The following IL1RAPL1 variants were observed in gnomAD, a reference collection of about 807,000 sequenced individuals.
IL1RAPL1 encodes the protein interleukin 1 receptor accessory protein like 1.
A neutral mutation model predicts 48.4 loss-of-function variants in IL1RAPL1; 3 were observed. The observed-to-expected ratio is 0.06, with a 90% CI of 0.03 to 0.16. IL1RAPL1 has a LOEUF of 0.16. Ranked by LOEUF, IL1RAPL1 falls within the 10% of genes least tolerant of loss-of-function variation. The pLI is 1.00. For missense variants in IL1RAPL1, 349 were observed against 530.6 expected, an observed-to-expected ratio of 0.66 and a Z score of 3.36; for synonymous variants, 185 against 187.7, an observed-to-expected ratio of 0.99 and a Z score of 0.12.
intron 2 of IL1RAPL1, among the ~76,000 whole-genome samples, chrX:28,875,787 CA>C (rs772038865): frequency 9.0e-6 from 1 of 111,407 alleles, no homozygotes; most frequent in Non-Finnish European, 1.9e-5. Flanking sequence ...GATCAGAGGC[CA>C]AAAAAGCCTT....
chrX:28,861,782 C>G (rs1309050001), intron 2 of IL1RAPL1, among the ~76,000 whole-genome samples: 1 of 111,533 alleles, frequency 9.0e-6, no homozygotes, highest in African/African-American at 3.3e-5. Context: ...TAGCCCTTTC[C>G]ACTGTCTCAA....
rs12688711 is a variant in IL1RAPL1 at position 29,686,620 on chromosome X, C to A, written c.778+18116C>A. 3.2e-4 allele frequency among the ~76,000 whole-genome samples: 34 copies of A among 107,431 alleles called. No homozygotes were observed. In the East Asian group the frequency reaches 8.7e-3, roughly 27 times the overall value. The allele number at this position is 107,431 out of a possible 115,157, so 93.3% of individuals were successfully genotyped here. A position where few individuals can be genotyped will look rare whatever the true frequency, so the allele number is the denominator to read the frequency against. On this transcript the variant is annotated intron_variant, in intron 6 of 10. Transcript: ENST00000378993. Reference sequence around the variant, plus strand: ...TCGCCCAGGCTGCAGTGCAGTGGTGCGATCTCAGCTCACTGCAAGCTCCGC... The same window carrying A: ...TCGCCCAGGCTGCAGTGCAGTGGTGAGATCTCAGCTCACTGCAAGCTCCGC...
chrX:29,884,652 C>G (rs767466633), intron 6 of IL1RAPL1, among the ~76,000 whole-genome samples: 2 of 111,118 alleles, frequency 1.8e-5, no homozygotes, highest in African/African-American at 3.3e-5. Context: ...ATCTTGCATA[C>G]CTAACTGTCT....
chrX:29,622,639 C>T (rs770642823), intron 5 of IL1RAPL1, among the ~76,000 whole-genome samples: 84 of 111,623 alleles, frequency 7.5e-4, no homozygotes, highest in Admixed American at 1.1e-3. Flanking sequence ...GTCACTTCAC[C>T]TATGGCCTCT....
chrX:29,697,988 T>C (rs1387316601), intron 6 of IL1RAPL1, among the ~76,000 whole-genome samples: 1 of 110,918 alleles, frequency 9.0e-6, no homozygotes, highest in Admixed American at 9.7e-5. Context: ...GTACTTGGAA[T>C]AAAATTTCAA....
intron 3 of IL1RAPL1, among the ~76,000 whole-genome samples, chrX:29,390,372 G>A (rs1466868446): frequency 1.8e-5 from 2 of 111,737 alleles, no homozygotes; most frequent in East Asian, 5.6e-4. Context: ...GAAAGCTCAT[G>A]ACTTGAAAAA....
chrX:29,112,875 C>A (rs1181837958), intron 2 of IL1RAPL1, among the ~76,000 whole-genome samples: 1 of 103,311 alleles, frequency 9.7e-6, no homozygotes, highest in Non-Finnish European at 2.0e-5. Flanking sequence ...TCTCAGCTCA[C>A]TGCAACCTCC....
chrX:29,621,165 T>C (rs1024242395), intron 5 of IL1RAPL1, among the ~76,000 whole-genome samples: 2 of 111,827 alleles, frequency 1.8e-5, no homozygotes, highest in Non-Finnish European at 3.8e-5. Flanking sequence ...TTACAACTAA[T>C]AAAGATTGGT....
chrX:29,658,203 A>T (rs1480136419), intron 5 of IL1RAPL1, among the ~76,000 whole-genome samples: 1 of 111,486 alleles, frequency 9.0e-6, no homozygotes, highest in Non-Finnish European at 1.9e-5. Context: ...TCATTTGGTC[A>T]GAATCAGGGT....
intron 2 of IL1RAPL1, among the ~76,000 whole-genome samples, chrX:29,143,012 T>G (rs893274233): frequency 1.8e-5 from 2 of 110,646 alleles, no homozygotes; most frequent in Non-Finnish European, 3.8e-5. Flanking sequence ...AAGAAATATT[T>G]TTAACTTCGG....
At chrX:28,831,494 T>C (rs1247355235) in intron 2 of IL1RAPL1, among the ~76,000 whole-genome samples, 3 of 109,470 alleles carry the variant, frequency 2.7e-5, no homozygotes, top group Non-Finnish European at 5.7e-5. Flanking sequence ...AAAATAGTAG[T>C]AGTTCTCTGG....
chrX:29,330,248 T>C (rs1225398871), intron 3 of IL1RAPL1, among the ~76,000 whole-genome samples: 3 of 112,524 alleles, frequency 2.7e-5, no homozygotes, highest in South Asian at 3.7e-4. Context: ...CTGTAACATA[T>C]TCAAATGCAA....
chrX:29,334,531 C>T (rs1411673537), intron 3 of IL1RAPL1, among the ~76,000 whole-genome samples: 10 of 105,765 alleles, frequency 9.5e-5, no homozygotes, highest in Admixed American at 1.9e-4. Context: ...GGGTGGCTGC[C>T]GGACGGAGGG....
At chrX:29,765,673 C>T in intron 6 of IL1RAPL1, among the ~76,000 whole-genome samples, 1 of 111,747 alleles carries the variant, frequency 8.9e-6, no homozygotes, top group Non-Finnish European at 1.9e-5. Context: ...CAGTGTGTTC[C>T]TATGATACTT....
chrX:29,173,787 C>G lies in IL1RAPL1; in HGVS notation c.83-109151C>G, dbSNP rs957214131. Among the ~76,000 whole-genome samples the G allele has an allele frequency of 6.2e-5, 7 of 112,050 alleles. No homozygotes were observed. In the Admixed American group the frequency reaches 6.7e-4, roughly 11 times the overall value. On this transcript the variant is annotated intron_variant, in intron 2 of 10. Transcript: ENST00000378993. ...AAATAAAGCATAAAAGAATATGAAA[C>G]TGTCTGGATGATATGTGTGAAACTT...
Position 28,762,809 on chromosome X carries a change from CACACACACACACACAGAGAGAGAGAGAG to C in IL1RAPL1, c.-24-26509_-24-26482del, listed in dbSNP as rs747678459. Among the ~76,000 whole-genome samples the C allele has an allele frequency of 1.5e-4, 11 of 71,974 alleles. No individual in the cohort carries two copies. In the South Asian group the frequency reaches 2.4e-3, roughly 16 times the overall value. The allele number at this position is 71,974 out of a possible 115,157, so 62.5% of individuals were successfully genotyped here. A position where few individuals can be genotyped will look rare whatever the true frequency, so the allele number is the denominator to read the frequency against. On this transcript the variant is annotated intron_variant, in intron 1 of 10. Transcript: ENST00000378993. ...GCGCACACACACACACACACACACACACACACACACACACAGAGAGAGAGAGAGAGAGAGAGAGAGAGAAGCTTGTTTC... is the reference window on the plus strand; with the variant it reads ...GCGCACACACACACACACACACACACAGAGAGAGAGAGAGAAGCTTGTTTC...
chrX:28,780,363 G>GTGTGTCTGTC (rs56989010), intron 1 of IL1RAPL1, among the ~76,000 whole-genome samples: 71 of 91,453 alleles, frequency 7.8e-4, no homozygotes, highest in Middle Eastern at 6.1e-3. Context: ...GTGTGTGTGT[G>GTGTGTCTGTC]TGTCTGTCTG....
chrX:29,395,467 C>T (rs1933909496), intron 3 of IL1RAPL1, among the ~76,000 whole-genome samples: 1 of 111,760 alleles, frequency 8.9e-6, no homozygotes, highest in East Asian at 2.8e-4. Flanking sequence ...CTCAACCCTT[C>T]CAAAAGATCT....
At chrX:28,746,294 G>A (rs935913259) in intron 1 of IL1RAPL1, among the ~76,000 whole-genome samples, 13 of 111,477 alleles carry the variant, frequency 1.2e-4, no homozygotes, top group African/African-American at 4.2e-4. Context: ...CACTCCCTGA[G>A]GCTTTAAAGA....
Sources: allele counts gnomAD v4.1 joint callset (sites outside exome capture counted in the v4.1 genomes callset), GRCh38; gene constraint gnomAD v4.1.1; transcripts MANE v1.5; gene names NCBI Gene and HGNC (gene_info 2026-07-23, HGNC 2026-07-21).